Variants in KMT2C observed in about 807,000 individuals in gnomAD.
KMT2C encodes lysine methyltransferase 2C, also known as histone-lysine N-methyltransferase 2C.
A neutral mutation model predicts 507.9 loss-of-function variants in KMT2C; 88 were observed. The observed-to-expected ratio is 0.17, with a 90% CI of 0.15 to 0.21. KMT2C has a LOEUF of 0.21. Among genes scored for constraint, KMT2C ranks in the 10% least tolerant of loss-of-function variants. The probability of loss-of-function intolerance (pLI) is 1.00; values close to 1 mark genes in which losing one functional copy is unlikely to be tolerated. For missense variants in KMT2C, 4,954 were observed against 5,957.8 expected (o/e 0.83, Z 5.55); for synonymous variants, 2,049 against 2,080.8 (o/e 0.98, Z 0.42).
chr7:152,435,152 C>T (rs980546633), intron 1 of KMT2C, among the ~76,000 whole-genome samples: 3 of 152,160 alleles, frequency 2.0e-5, no homozygotes, highest in Non-Finnish European at 4.4e-5. Context: ...GCTTTCTTCT[C>T]GCCCCCAGCC....
Position 152,180,634 on chromosome 7 carries a change from A to G in KMT2C, c.7149+77T>C, listed in dbSNP as rs936269861. 54 of 1,112,496 alleles carry G rather than the reference A, an allele frequency of 4.9e-5. 1 individual carries two copies. The South Asian group carries it at 7.4e-4, about 15-fold the overall frequency. 68.9% of individuals were successfully genotyped at this position (1,112,496 alleles called of 1,614,324 possible). A position where few individuals can be genotyped will look rare whatever the true frequency, so the allele number is the denominator to read the frequency against. Reference sequence around the variant, plus strand: ...AAAAATAAAACATTAACTCCTGTGTAGAAATTACTCAGTTTGATGAAATGA... The same window carrying G: ...AAAAATAAAACATTAACTCCTGTGTGGAAATTACTCAGTTTGATGAAATGA... On this transcript the variant is annotated intron_variant, in intron 36 of 58. Transcript: ENST00000262189.
chr7:152,216,486 T>G (rs1044211999), intron 23 of KMT2C, among the ~76,000 whole-genome samples: 1 of 152,234 alleles, frequency 6.6e-6, no homozygotes, highest in African/African-American at 2.4e-5. Context: ...CAACCTCAAG[T>G]TGAAAACTGC....
intron 27 of KMT2C, among the ~76,000 whole-genome samples, chr7:152,198,490 A>G (rs546624313): frequency 1.7e-3 from 261 of 152,332 alleles, no homozygotes; most frequent in African/African-American, 6.1e-3. Context: ...AGCTTACCAA[A>G]AGAACAATGA....
chr7:152,138,126 G>A lies in KMT2C; in HGVS notation c.14643+670C>T, dbSNP rs1036924984. 1.3e-5 allele frequency: 2 copies of A among 152,198 alleles called. No homozygotes were observed. Among genetic ancestry groups the A allele is most frequent in the Non-Finnish European group, 2.9e-5 (2 of 68,066 alleles). 9.4% of individuals were successfully genotyped at this position (152,198 alleles called of 1,614,324 possible). A position where few individuals can be genotyped will look rare whatever the true frequency, so the allele number is the denominator to read the frequency against. ...AGGAAATGCCAATTCCAGAACCAAG[G>A]TACCTGAATCACAGTGGGAAAGACC... is the stretch of plus-strand genomic sequence containing the variant. On this transcript the variant is annotated intron_variant, in intron 58 of 58. Transcript: ENST00000262189. This position sits in a 1 kb window ranked among gnomAD's most constrained non-coding sequence, Gnocchi z 4.2.
At chr7:152,274,435 G>A (rs1188146060) in intron 6 of KMT2C, among the ~76,000 whole-genome samples, 3 of 151,922 alleles carry the variant, frequency 2.0e-5, no homozygotes, top group Non-Finnish European at 4.4e-5. Flanking sequence ...TGGAAATGTG[G>A]GCGAAAAAAA....
At chr7:152,208,256 C>A (rs2094358995) in intron 23 of KMT2C, among the ~76,000 whole-genome samples, 2 of 152,224 alleles carry the variant, frequency 1.3e-5, no homozygotes, top group African/African-American at 4.8e-5. Flanking sequence ...CACCAGTGAA[C>A]TACACTCAGT....
At chr7:152,253,536 AAAAAAAAT>A (rs1339131329) in intron 9 of KMT2C, among the ~76,000 whole-genome samples, 1 of 150,044 alleles carries the variant, frequency 6.7e-6, no homozygotes, top group African/African-American at 2.5e-5. Flanking sequence ...AAAAAAAAAA[AAAAAAAAT>A]TTAATTAGCC....
intron 26 of KMT2C, among the ~76,000 whole-genome samples, chr7:152,200,837 G>T (rs1202638584): frequency 6.6e-6 from 1 of 152,170 alleles, no homozygotes; most frequent in Non-Finnish European, 1.5e-5. Context: ...TACCCTTTGA[G>T]AAAAGAGATT....
chr7:152,166,134 T>C (rs2092717377), intron 42 of KMT2C, among the ~76,000 whole-genome samples: 1 of 151,750 alleles, frequency 6.6e-6, no homozygotes, highest in South Asian at 2.1e-4. Context: ...TTTTTTTTTT[T>C]TTTTTTTGAG....
At chr7:152,171,631 G>A (rs1452805881) in intron 39 of KMT2C, among the ~76,000 whole-genome samples, 1 of 152,172 alleles carries the variant, frequency 6.6e-6, no homozygotes, top group Admixed American at 6.5e-5. Context: ...GCAATAAGAA[G>A]CCAGCTAGGC....
chr7:152,154,595 C>T, intron 46 of KMT2C, 150 bp from the exon 47 acceptor site: 1 of 596,604 alleles, frequency 1.7e-6, no homozygotes. Flanking sequence ...CTCAGAGCCA[C>T]ACTGGGAAAA....
Position 152,368,626 on chromosome 7 carries a change from T to C in KMT2C, c.162-9951A>G, listed in dbSNP as rs73730052. 2,758 of 1,463,224 alleles carry C rather than the reference T, an allele frequency of 1.9e-3. 57 individuals are homozygous for C. In the African/African-American group the frequency reaches 0.035, roughly 18 times the overall value. The allele number at this position is 1,463,224 out of a possible 1,614,324, so 90.6% of individuals were successfully genotyped here. A position where few individuals can be genotyped will look rare whatever the true frequency, so the allele number is the denominator to read the frequency against. ...TTTAGAACAGAACTCTTCGAGAACC[T>C]TGGAAAAGAACAAGAAGAAAGGGAA... On this transcript the variant is annotated intron_variant, in intron 1 of 58. Coordinates refer to ENST00000262189, the MANE Select transcript of KMT2C (RefSeq NM_170606.3).
At chr7:152,423,062 C>T (rs573987806) in intron 1 of KMT2C, among the ~76,000 whole-genome samples, 5 of 151,942 alleles carry the variant, frequency 3.3e-5, no homozygotes, top group South Asian at 2.1e-4. Flanking sequence ...CATTCCCAGC[C>T]GGGTGCGGTG....
chr7:152,411,040 T>C (rs1420658705), intron 1 of KMT2C, among the ~76,000 whole-genome samples: 4 of 152,108 alleles, frequency 2.6e-5, no homozygotes, highest in Non-Finnish European at 4.4e-5. Flanking sequence ...TATATGTATA[T>C]GTGTGTATAT....
At chr7:152,188,546 T>C (rs2093690421) in intron 31 of KMT2C, among the ~76,000 whole-genome samples, 1 of 151,108 alleles carries the variant, frequency 6.6e-6, no homozygotes, top group Admixed American at 6.6e-5. Flanking sequence ...CAGATGTTTC[T>C]TATATTTTAT....
chr7:152,380,596 G>A (rs566751871), intron 1 of KMT2C, among the ~76,000 whole-genome samples: 150 of 151,988 alleles, frequency 9.9e-4, no homozygotes, highest in African/African-American at 3.3e-3. Flanking sequence ...AAACTAGCCG[G>A]GCACAGTATT....
Position 152,176,768 on chromosome 7 carries a change from C to T in KMT2C, c.8685G>A (p.Gln2895=), listed in dbSNP as rs6464211. 0.2 allele frequency: 319,333 copies of T among 1,613,820 alleles called. 44,171 individuals carry two copies. Among genetic ancestry groups the T allele is most frequent in the African/African-American group, 0.7 (52,723 of 74,946 alleles). ...CTTGAGCAGGTAGTTGAGTGGATGC[C>T]TGAATGACATTTGCACTGGGGCCAG... The part of the protein sequence containing the change: ...ETAGPSANVI[Q]ASTQLPAQDV... Residue 2895 remains glutamine (Q), a synonymous_variant, in exon 38 of 59, where the codon CAG becomes CAA. Transcript: ENST00000262189.
At chr7:152,339,915 T>A (rs1249446615) in intron 2 of KMT2C, among the ~76,000 whole-genome samples, 2 of 152,114 alleles carry the variant, frequency 1.3e-5, no homozygotes, top group Non-Finnish European at 2.9e-5. Context: ...TTACTAACTA[T>A]GCAAGTAAAC....
chr7:152,290,258 G>GTA (rs746466676), intron 6 of KMT2C, among the ~76,000 whole-genome samples: 1,512 of 26,194 alleles, frequency 0.058, 51 homozygotes, highest in Non-Finnish European at 0.072. Context: ...GTGTGTATGT[G>GTA]TATATATATA....
Sources: gnomAD v4.1 joint callset for allele counts (sites outside exome capture counted in the v4.1 genomes callset) on GRCh38, gnomAD v4.1.1 for gene constraint, Gnocchi (gnomAD v3.1) non-coding constraint, MANE v1.5 for transcripts, NCBI Gene and HGNC (gene_info 2026-07-23, HGNC 2026-07-21) for gene names.